The following PTPN3 variants were observed in gnomAD, a reference collection of about 807,000 sequenced individuals.
PTPN3 encodes protein tyrosine phosphatase non-receptor type 3, also known as tyrosine-protein phosphatase non-receptor type 3.
Under a neutral mutation model 132.7 loss-of-function variants are expected in PTPN3, and 96 were observed. The observed-to-expected ratio is 0.72, with a 90% CI of 0.61 to 0.86. The LOEUF (loss-of-function observed/expected upper bound fraction) is 0.86, where lower values mean the gene tolerates loss of function less well. Ranked by LOEUF, PTPN3 falls within the 40% of genes least tolerant of loss-of-function variation. PTPN3 has a pLI of 0.00. For synonymous variants in PTPN3, 398 were observed against 429.0 expected, an observed-to-expected ratio of 0.93 and a Z score of 0.89; for missense variants, 1,125 against 1,159.6, an observed-to-expected ratio of 0.97 and a Z score of 0.43.
At chr9:109,428,444 A>C (rs1843433946) in intron 11 of PTPN3, among the ~76,000 whole-genome samples, 177 bp downstream of exon 11, 2 of 152,220 alleles carry the variant, frequency 1.3e-5, no homozygotes, top group Admixed American at 6.5e-5. Context: ...TAAAAGCTGA[A>C]GTAACTTAAA....
At chr9:109,425,294 T>TG (rs762735444) in intron 12 of PTPN3, among the ~76,000 whole-genome samples, 2 of 152,238 alleles carry the variant, frequency 1.3e-5, no homozygotes, top group Middle Eastern at 3.2e-3. Context: ...GGAAAGTAAC[T>TG]GGAACAGTCT....
At chr9:109,381,516 A>G in intron 25 of PTPN3, 136 bp downstream of exon 25, 4 of 1,294,652 alleles carry the variant, frequency 3.1e-6, no homozygotes, top group Non-Finnish European at 4.4e-6. Context: ...AGCCACTGAC[A>G]AGCTCTGTGA....
At chr9:109,395,078 T>C (rs1840457945) in intron 19 of PTPN3, among the ~76,000 whole-genome samples, 1 of 151,166 alleles carries the variant, frequency 6.6e-6, no homozygotes, top group African/African-American at 2.4e-5. Context: ...AGGCAGAGCT[T>C]GCAGTGAGCC....
chr9:109,376,232 T>C lies in PTPN3; in HGVS notation c.*3324A>G, dbSNP rs1838549560. The stretch of plus-strand genomic sequence containing the variant: ...AAAACTCAGGGTTGAGGGCAACATA[T>C]CTTGCCTAAGTCCAGGTCTAGACCC... On this transcript the variant is annotated 3_prime_UTR_variant, in exon 26 of 26. Coordinates refer to ENST00000374541, the MANE Select transcript of PTPN3 (RefSeq NM_002829.4). The C allele has an allele frequency of 6.6e-6, 1 of 152,144 alleles. No individual in the cohort carries two copies. Among genetic ancestry groups the C allele is most frequent in the African/African-American group, 2.4e-5 (1 of 41,424 alleles). 9.4% of individuals were successfully genotyped at this position (152,144 alleles called of 1,614,324 possible).
intron 22 of PTPN3, among the ~76,000 whole-genome samples, chr9:109,384,947 T>C (rs1433737887): frequency 6.6e-6 from 1 of 152,220 alleles, no homozygotes; most frequent in Non-Finnish European, 1.5e-5. Context: ...TTAAGGGCTG[T>C]AGGGCCCAAG....
chr9:109,383,875 C>T (rs1446863649), intron 22 of PTPN3, among the ~76,000 whole-genome samples: 1 of 152,032 alleles, frequency 6.6e-6, no homozygotes, highest in Non-Finnish European at 1.5e-5. Flanking sequence ...AACCTCTCTA[C>T]CCTCCCAGAC....
chr9:109,436,781 G>C, intron 9 of PTPN3, 102 bp downstream of exon 9: 2 of 1,471,752 alleles, frequency 1.4e-6, no homozygotes, highest in East Asian at 2.4e-5. Context: ...AAAAAGTCCT[G>C]TTATAATGAA....
intron 14 of PTPN3, among the ~76,000 whole-genome samples, chr9:109,412,676 T>A (rs1842176214): frequency 6.6e-6 from 1 of 151,868 alleles, no homozygotes; most frequent in African/African-American, 2.4e-5. Flanking sequence ...CCCAGCCTTT[T>A]AAAAATTTTT....
At chr9:109,405,149 G>C (rs1841457957) in intron 18 of PTPN3, among the ~76,000 whole-genome samples, 3 of 152,188 alleles carry the variant, frequency 2.0e-5, no homozygotes, top group Admixed American at 2.0e-4. Context: ...CTGTGCTTCA[G>C]CCTTACCTCT....
At chr9:109,415,030 C>CCA in intron 14 of PTPN3, among the ~76,000 whole-genome samples, 1 of 151,974 alleles carries the variant, frequency 6.6e-6, no homozygotes, top group East Asian at 1.9e-4. Context: ...ATTTGTCCGT[C>CCA]TGTCCGTCCG....
intron 5 of PTPN3, chr9:109,449,643 T>C (rs1244629170): frequency 1.0e-6 from 1 of 985,336 alleles, no homozygotes; most frequent in Non-Finnish European, 1.2e-6. Flanking sequence ...GGATGCGGCA[T>C]ACATGTGACA....
In PTPN3 at chr9:109,493,974, T is replaced by A. The variant is rs565237980; in HGVS notation, c.-18+4245A>T. Among the ~76,000 whole-genome samples the A allele has an allele frequency of 2.6e-3, 397 of 152,360 alleles. 2 individuals are homozygous for A. Among genetic ancestry groups the A allele is most frequent in the Non-Finnish European group, 4.4e-3 (299 of 68,034 alleles). On this transcript the variant is annotated intron_variant, in intron 1 of 25. Coordinates refer to ENST00000374541, the MANE Select transcript of PTPN3 (RefSeq NM_002829.4). ...ACAACAGTGTGTGGCAACCAATAAG[T>A]ACAGATTAGTGCTGATAACTAAAAC...
intron 23 of PTPN3, 131 bp from the exon 24 acceptor site, chr9:109,382,578 T>C: frequency 4.0e-6 from 4 of 1,002,594 alleles, no homozygotes; most frequent in Non-Finnish European, 4.4e-6. Context: ...CTGTGGCCCC[T>C]AGCAATTCCT....
At chr9:109,441,288 TTA>T (rs79420384) in intron 7 of PTPN3, among the ~76,000 whole-genome samples, 7,238 of 152,284 alleles carry the variant, frequency 0.048, 339 homozygotes, top group East Asian at 0.28. Context: ...TGATAATATT[TTA>T]TGTTTTGCAG....
chr9:109,427,191 C>A, intron 11 of PTPN3, 69 bp from the exon 12 acceptor site: 1 of 1,518,360 alleles, frequency 6.6e-7, no homozygotes, highest in South Asian at 1.2e-5. Flanking sequence ...GCATTTAACC[C>A]ACATTGGTGA....
rs1055256981 is a variant in PTPN3 at position 109,406,492 on chromosome 9, G to A, written c.1762C>T (p.Arg588Trp). ...FIKASRESHS[R>W]ELALVIRRRA... ...CTCCTGATCACCAGGGCCAGCTCCC[G>A]TGAGTGGGACTCCCGGCTGGCTTTG... The change falls in exon 18 of 26, where the codon CGG (arginine) becomes TGG (tryptophan). Residue 588 changes from arginine to tryptophan, a missense_variant. Transcript: ENST00000374541. 6 of 1,614,010 alleles carry A rather than the reference G, an allele frequency of 3.7e-6. No individual in the cohort carries two copies. The highest frequency in any genetic ancestry group is 3.3e-5 in the Admixed American group (2 of 60,002).
chr9:109,402,039 C>T (rs1841159958), intron 19 of PTPN3, among the ~76,000 whole-genome samples: 1 of 152,196 alleles, frequency 6.6e-6, no homozygotes, highest in South Asian at 2.1e-4. Flanking sequence ...AAACTCCCCT[C>T]TCCTTCCCTC....
chr9:109,423,779 G>A (rs1040956481), intron 12 of PTPN3, among the ~76,000 whole-genome samples: 2 of 152,178 alleles, frequency 1.3e-5, no homozygotes, highest in Non-Finnish European at 2.9e-5. Context: ...CTGTTAAAGG[G>A]TGACAACTTT....
chr9:109,381,537 G>C, intron 25 of PTPN3, 115 bp downstream of exon 25: 1 of 1,435,974 alleles, frequency 7.0e-7, no homozygotes, highest in Non-Finnish European at 9.6e-7. Flanking sequence ...CCTTGGGCAA[G>C]TGATTCAGTC....
Sources: gnomAD v4.1 joint callset for allele counts (sites outside exome capture counted in the v4.1 genomes callset) on GRCh38, gnomAD v4.1.1 for gene constraint, MANE v1.5 for transcripts, NCBI Gene and HGNC (gene_info 2026-07-23, HGNC 2026-07-21) for gene names.